The following FOXJ3 variants were observed in gnomAD, a reference collection of about 807,000 sequenced individuals.
FOXJ3 encodes the protein forkhead box J3.
A neutral mutation model predicts 76.1 loss-of-function variants in FOXJ3; 22 were observed. The ratio of observed to expected loss-of-function variants is 0.29; its 90% CI spans 0.21 to 0.41. FOXJ3 has a LOEUF of 0.41. Among genes scored for constraint, FOXJ3 ranks in the 10% least tolerant of loss-of-function variants. The pLI is 1.00. For missense variants in FOXJ3, 613 were observed against 762.1 expected (o/e 0.80, Z 2.30); for synonymous variants, 269 against 261.2 (o/e 1.03, Z -0.29).
intron 2 of FOXJ3, among the ~76,000 whole-genome samples, chr1:42,301,609 A>G (rs1460313025): frequency 4.6e-5 from 7 of 152,298 alleles, no homozygotes; most frequent in African/African-American, 1.4e-4. Context: ...TCTCTAGACT[A>G]GTATTAAAGC....
intron 1 of FOXJ3, among the ~76,000 whole-genome samples, chr1:42,331,208 C>T (rs1490604779): frequency 6.6e-6 from 1 of 152,042 alleles, no homozygotes; most frequent in Non-Finnish European, 1.5e-5. Context: ...ATGGTGAAAC[C>T]TCGTCTCCAC....
At chr1:42,207,319 T>C (rs1646880236) in intron 5 of FOXJ3, among the ~76,000 whole-genome samples, 1 of 152,182 alleles carries the variant, frequency 6.6e-6, no homozygotes, top group Admixed American at 6.6e-5. Context: ...TCAGTTATAG[T>C]TTTATTTTTC....
chr1:42,290,350 C>A (rs1300861505), intron 2 of FOXJ3, among the ~76,000 whole-genome samples: 1 of 152,114 alleles, frequency 6.6e-6, no homozygotes, highest in Non-Finnish European at 1.5e-5. Context: ...ACAAACAGAC[C>A]TTCTGTTGTA....
intron 11 of FOXJ3, among the ~76,000 whole-genome samples, chr1:42,184,576 C>T (rs1194121835): frequency 6.6e-6 from 1 of 151,968 alleles, no homozygotes; most frequent in Non-Finnish European, 1.5e-5. Context: ...AGGCACTGCT[C>T]GAGGCACTAT....
At chr1:42,189,644 A>G in intron 9 of FOXJ3, 1 of 400,122 alleles carries the variant, frequency 2.5e-6, no homozygotes. Flanking sequence ...TAACTTAGCA[A>G]GGTTATCATG....
At chr1:42,335,603 C>G (rs1570285770), upstream of FOXJ3, 1 of 152,180 alleles carries the variant, frequency 6.6e-6, no homozygotes, top group South Asian at 2.1e-4. Context: ...CCCTCCCCCG[C>G]CCCCCAACAT....
At chr1:42,310,769 G>T (rs1428366857) in intron 2 of FOXJ3, among the ~76,000 whole-genome samples, 1 of 151,962 alleles carries the variant, frequency 6.6e-6, no homozygotes, top group Admixed American at 6.6e-5. Context: ...CTTTTTAAAA[G>T]AAACACAAAA....
At chr1:42,232,927 G>A (rs1226183896) in intron 4 of FOXJ3, among the ~76,000 whole-genome samples, 1 of 151,424 alleles carries the variant, frequency 6.6e-6, no homozygotes, top group Non-Finnish European at 1.5e-5. Context: ...TATGGTTTTA[G>A]GTCTAACATA....
At chr1:42,231,326 C>T (rs1648089806) in intron 4 of FOXJ3, among the ~76,000 whole-genome samples, 1 of 151,648 alleles carries the variant, frequency 6.6e-6, no homozygotes, top group African/African-American at 2.4e-5. Context: ...ACTCCATCTC[C>T]AAAAAAGAAA....
chr1:42,230,742 A>AT (rs1481284851), intron 4 of FOXJ3, among the ~76,000 whole-genome samples: 1 of 152,090 alleles, frequency 6.6e-6, no homozygotes, highest in Non-Finnish European at 1.5e-5. Context: ...TGAAACTCTT[A>AT]TGCACTACTG....
At chr1:42,187,215 G>A (rs1215886239) in intron 11 of FOXJ3, among the ~76,000 whole-genome samples, 2 of 152,166 alleles carry the variant, frequency 1.3e-5, no homozygotes, top group African/African-American at 2.4e-5. Flanking sequence ...AACAATCTAT[G>A]AGCAACACAG....
At chr1:42,199,550 A>G (rs986354872) in intron 6 of FOXJ3, among the ~76,000 whole-genome samples, 23 of 152,126 alleles carry the variant, frequency 1.5e-4, no homozygotes, top group Admixed American at 1.2e-3. Flanking sequence ...TATTTCTATA[A>G]TGCATAAATT....
chr1:42,234,745 C>T (rs1475103727), intron 4 of FOXJ3, among the ~76,000 whole-genome samples: 1 of 152,122 alleles, frequency 6.6e-6, no homozygotes, highest in Non-Finnish European at 1.5e-5. Context: ...TGCTGCCTGA[C>T]CGTTCCTCTG....
Position 42,191,467 on chromosome 1 carries a change from C to T in FOXJ3, c.1187G>A (p.Arg396His), listed in dbSNP as rs149676672. The change falls in exon 9 of 13, where the codon CGT becomes CAT. Residue 396 changes from arginine to histidine, a missense_variant. Arg to His is a conservative substitution (Grantham distance 29). This residue lies in a region of FOXJ3 where 526 missense variants were observed against 601.4 expected (regional missense o/e 0.87). Transcript: ENST00000361346. The part of the protein sequence containing the change: ...RPHGLPQHPQ[R>H]SPHPAPHPQQ... ...TGGGTGTGGTGCTGGGTGTGGGGAA[C>T]GCTGCGGATGCTGCGGTAAACCATG... 1.7e-5 allele frequency: 27 copies of T among 1,613,050 alleles called. No individual in the cohort carries two copies. In the African/African-American group the frequency reaches 1.7e-4, roughly 10 times the overall value.
intron 1 of FOXJ3, among the ~76,000 whole-genome samples, chr1:42,315,159 G>T (rs1387587280): frequency 6.6e-6 from 1 of 152,194 alleles, no homozygotes; most frequent in African/African-American, 2.4e-5. Context: ...AAGTAGATTG[G>T]TGGTTGCCAG....
At chr1:42,291,464 G>A (rs1418135426) in intron 2 of FOXJ3, among the ~76,000 whole-genome samples, 1 of 152,090 alleles carries the variant, frequency 6.6e-6, no homozygotes, top group African/African-American at 2.4e-5. Context: ...GCCACAGACT[G>A]GCAGAAACCA....
intron 5 of FOXJ3, among the ~76,000 whole-genome samples, chr1:42,206,184 A>ACT (rs1273775727): frequency 1.2e-4 from 18 of 152,214 alleles, no homozygotes; most frequent in Non-Finnish European, 2.2e-4. Flanking sequence ...TTTCAGTAAT[A>ACT]GATATTTACA....
chr1:42,254,859 A>C (rs909495995), intron 4 of FOXJ3, among the ~76,000 whole-genome samples: 7 of 150,980 alleles, frequency 4.6e-5, no homozygotes, highest in African/African-American at 1.7e-4. Context: ...GATATACCTA[A>C]TGCTAAATGA....
At chr1:42,327,000 G>A (rs1655873409) in intron 1 of FOXJ3, among the ~76,000 whole-genome samples, 1 of 152,156 alleles carries the variant, frequency 6.6e-6, no homozygotes, top group Admixed American at 6.5e-5. Flanking sequence ...TTTGCCAATA[G>A]GAATATCACT....
Sources: allele counts gnomAD v4.1 joint callset (sites outside exome capture counted in the v4.1 genomes callset), GRCh38; gene constraint gnomAD v4.1.1; regional missense constraint gnomAD v4.1.1; transcripts MANE v1.5; gene names NCBI Gene and HGNC (gene_info 2026-07-23, HGNC 2026-07-21).